The following CHRM3 variants were observed in gnomAD, a reference collection of about 807,000 sequenced individuals.
The protein encoded by CHRM3 is cholinergic receptor muscarinic 3, also known as muscarinic acetylcholine receptor M3.
In CHRM3, 11 loss-of-function variants were observed where a neutral mutation model predicts 41.8. That is an observed-to-expected ratio of 0.26 (90% CI 0.17 to 0.44). CHRM3 has a LOEUF of 0.44. CHRM3 is among the 20% of genes least tolerant of loss of function. CHRM3 has a pLI of 1.00. For synonymous variants in CHRM3, 297 were observed against 301.4 expected (o/e 0.99, Z 0.15); for missense variants, 571 against 745.4 (o/e 0.77, Z 2.72).
chr1:239,427,432 G>A (rs1000939452), intron 1 of CHRM3, among the ~76,000 whole-genome samples: 5 of 152,224 alleles, frequency 3.3e-5, no homozygotes, highest in Non-Finnish European at 4.4e-5. Flanking sequence ...AGGGTTGGCC[G>A]TGGGACCTTA....
intron 5 of CHRM3, among the ~76,000 whole-genome samples, chr1:239,741,687 GT>G (rs1553378248): frequency 1.3e-5 from 2 of 151,520 alleles, no homozygotes; most frequent in African/African-American, 4.9e-5. Flanking sequence ...AAAGCCTTTT[GT>G]TTTTTTTATA....
chr1:239,620,337 C>A (rs1248899285), intron 3 of CHRM3, among the ~76,000 whole-genome samples: 2 of 152,114 alleles, frequency 1.3e-5, no homozygotes, highest in African/African-American at 2.4e-5. Flanking sequence ...TTTCAGTCCG[C>A]CTTTGGTGCA....
chr1:239,519,790 C>T (rs1373332948), intron 2 of CHRM3, among the ~76,000 whole-genome samples: 1 of 134,064 alleles, frequency 7.5e-6, no homozygotes, highest in African/African-American at 2.7e-5. Flanking sequence ...CTCAGTCACC[C>T]AGGCTAGAGT....
intron 6 of CHRM3, among the ~76,000 whole-genome samples, chr1:239,874,300 TATATA>T (rs1480307542): frequency 2.7e-5 from 3 of 110,580 alleles, no homozygotes; most frequent in Non-Finnish European, 5.4e-5. Flanking sequence ...TATATATATA[TATATA>T]TATATATATA....
chr1:239,901,527 G>A (rs10399945), intron 6 of CHRM3, among the ~76,000 whole-genome samples: 10,546 of 152,032 alleles, frequency 0.069, 750 homozygotes, highest in African/African-American at 0.18. Flanking sequence ...CTATATGTCT[G>A]TATACAACCT....
At chr1:239,690,037 A>G (rs192568261) in intron 5 of CHRM3, among the ~76,000 whole-genome samples, 2 of 119,144 alleles carry the variant, frequency 1.7e-5, no homozygotes, top group East Asian at 4.7e-4. Flanking sequence ...AGAGACAGAG[A>G]GAGAGACACA....
intron 6 of CHRM3, among the ~76,000 whole-genome samples, chr1:239,886,824 G>C (rs976600350): frequency 1.3e-5 from 2 of 152,150 alleles, no homozygotes; most frequent in African/African-American, 2.4e-5. Context: ...GCATTACCGG[G>C]TTTCTCTGTG....
At chr1:239,574,991 C>A (rs775100462) in intron 3 of CHRM3, among the ~76,000 whole-genome samples, 5 of 152,110 alleles carry the variant, frequency 3.3e-5, no homozygotes, top group Admixed American at 6.5e-5. Context: ...ACAGAATAGA[C>A]GGCACCATTT....
intron 5 of CHRM3, among the ~76,000 whole-genome samples, chr1:239,761,616 C>T (rs766844735): frequency 5.3e-5 from 8 of 152,214 alleles, no homozygotes; most frequent in Non-Finnish European, 5.9e-5. Flanking sequence ...CCTACTCTGG[C>T]ACTACCACTG....
chr1:239,713,487 T>C (rs1419147133), intron 5 of CHRM3, among the ~76,000 whole-genome samples: 1 of 152,190 alleles, frequency 6.6e-6, no homozygotes, highest in Non-Finnish European at 1.5e-5. Context: ...AAGCTCCAAA[T>C]AAAATGTAAA....
intron 6 of CHRM3, among the ~76,000 whole-genome samples, chr1:239,864,535 C>CACAG: frequency 7.0e-6 from 1 of 143,528 alleles, no homozygotes; most frequent in Non-Finnish European, 1.5e-5. Context: ...CACACACACA[C>CACAG]ACACACACAC....
chr1:239,546,232 T>G (rs544890804), intron 3 of CHRM3: 1 of 152,310 alleles, frequency 6.6e-6, no homozygotes, highest in Middle Eastern at 3.4e-3. Context: ...AAAATTAAAC[T>G]CAGTCAGAAG....
chr1:239,637,057 G>C (rs954275421), intron 4 of CHRM3, among the ~76,000 whole-genome samples: 5 of 152,212 alleles, frequency 3.3e-5, no homozygotes, highest in Non-Finnish European at 7.3e-5. Context: ...GGGAGGAATA[G>C]TAAGTATTGA....
intron 5 of CHRM3, among the ~76,000 whole-genome samples, chr1:239,773,685 C>T (rs955288771): frequency 7.2e-5 from 11 of 152,336 alleles, no homozygotes; most frequent in Non-Finnish European, 1.5e-4. Flanking sequence ...GCCCCTCACA[C>T]TTGGCCCTTT....
intron 1 of CHRM3, among the ~76,000 whole-genome samples, chr1:239,461,520 G>A (rs115004403): frequency 0.018 from 2,760 of 151,988 alleles, 89 homozygotes; most frequent in African/African-American, 0.063. Flanking sequence ...TCCTTTACGT[G>A]TATCTTCCTT....
At chr1:239,891,015 T>C (rs1678507768) in intron 6 of CHRM3, among the ~76,000 whole-genome samples, 2 of 152,168 alleles carry the variant, frequency 1.3e-5, no homozygotes, top group Admixed American at 6.5e-5. Context: ...CAGGATGAAG[T>C]CATCTGCACT....
At chr1:239,389,564 G>A (rs1234705122) in intron 1 of CHRM3, among the ~76,000 whole-genome samples, 1 of 152,136 alleles carries the variant, frequency 6.6e-6, no homozygotes, top group Non-Finnish European at 1.5e-5. Context: ...GCCTTTAATT[G>A]CAGGCAACCT....
At chr1:239,874,697 C>CTTTTTT (rs372147115) in intron 6 of CHRM3, among the ~76,000 whole-genome samples, 1 of 144,434 alleles carries the variant, frequency 6.9e-6, no homozygotes. Context: ...TTTGGCATTA[C>CTTTTTT]TTTTTTTTTT....
intron 1 of CHRM3, among the ~76,000 whole-genome samples, chr1:239,407,417 T>TATAGAGAGAG: frequency 7.5e-6 from 1 of 134,142 alleles, no homozygotes; most frequent in Non-Finnish European, 1.7e-5. Context: ...TATATATATA[T>TATAGAGAGAG]AGAGAGAGAG....
Sources: gnomAD v4.1 joint callset for allele counts (sites outside exome capture counted in the v4.1 genomes callset) on GRCh38, gnomAD v4.1.1 for gene constraint, MANE v1.5 for transcripts, NCBI Gene and HGNC (gene_info 2026-07-23, HGNC 2026-07-21) for gene names.